The following ZFHX3 variants were observed in gnomAD, a reference collection of about 807,000 sequenced individuals.
The protein encoded by ZFHX3 is zinc finger homeobox 3, also known as zinc finger homeobox protein 3.
Under a neutral mutation model 279.1 loss-of-function variants are expected in ZFHX3, and 42 were observed. That is an observed-to-expected ratio of 0.15 (90% CI 0.12 to 0.19). ZFHX3 has a LOEUF of 0.19. Among genes scored for constraint, ZFHX3 ranks in the 10% least tolerant of loss-of-function variants. The pLI, the probability that ZFHX3 is intolerant of heterozygous loss-of-function variation, is 1.00. For synonymous variants in ZFHX3, 2,293 were observed against 1,957.8 expected, an observed-to-expected ratio of 1.17 and a Z score of -4.52; for missense variants, 4,981 against 4,754.0, an observed-to-expected ratio of 1.05 and a Z score of -1.40.
At chr16:73,099,764 C>CAGGAGGAA (rs1032828224) in intron 7 of ZFHX3, among the ~76,000 whole-genome samples, 1 of 150,732 alleles carries the variant, frequency 6.6e-6, no homozygotes, top group African/African-American at 2.4e-5. Flanking sequence ...GTCCTGCTCT[C>CAGGAGGAA]AGGAGGAACA....
intron 1 of ZFHX3, among the ~76,000 whole-genome samples, chr16:73,748,600 T>C (rs1334928826): frequency 2.0e-5 from 3 of 152,196 alleles, no homozygotes; most frequent in African/African-American, 4.8e-5. Flanking sequence ...TCTCTACCTA[T>C]ACCTCTTTCA....
intron 1 of ZFHX3, among the ~76,000 whole-genome samples, chr16:73,786,338 T>G (rs1005494106): frequency 3.3e-5 from 5 of 152,190 alleles, no homozygotes; most frequent in African/African-American, 1.2e-4. Context: ...GTAATTGTCA[T>G]AAAGTTTCCC....
intron 1 of ZFHX3, among the ~76,000 whole-genome samples, chr16:73,831,086 A>G (rs745360566): frequency 1.3e-4 from 20 of 152,156 alleles, no homozygotes; most frequent in Non-Finnish European, 2.6e-4. Context: ...GCCAATAACC[A>G]TTTTCAAAAG....
chr16:73,000,062 G>A (rs1192607738), intron 1 of ZFHX3, among the ~76,000 whole-genome samples: 1 of 152,198 alleles, frequency 6.6e-6, no homozygotes, highest in Non-Finnish European at 1.5e-5. Flanking sequence ...GAGCCCCATG[G>A]GGACAGGGCT....
chr16:73,030,156 T>C (rs1000417021), intron 1 of ZFHX3, among the ~76,000 whole-genome samples: 8 of 152,226 alleles, frequency 5.3e-5, no homozygotes, highest in Non-Finnish European at 1.0e-4. Flanking sequence ...CAAGACCGGC[T>C]ACTCTCAACT....
chr16:73,105,251 A>G (rs1211561853), intron 7 of ZFHX3, among the ~76,000 whole-genome samples: 1 of 149,880 alleles, frequency 6.7e-6, no homozygotes, highest in African/African-American at 2.5e-5. Flanking sequence ...AATTTTATAT[A>G]TATATATATG....
chr16:73,812,737 T>C (rs947892780), intron 1 of ZFHX3: 8 of 152,166 alleles, frequency 5.3e-5, no homozygotes, highest in African/African-American at 1.9e-4. Flanking sequence ...AACAGCTCAA[T>C]AGATGTTTGA....
At chr16:73,426,616 C>A (rs889855826) in intron 3 of ZFHX3, among the ~76,000 whole-genome samples, 1 of 151,870 alleles carries the variant, frequency 6.6e-6, no homozygotes, top group Non-Finnish European at 1.5e-5. Flanking sequence ...GCCATTCATG[C>A]GTACGTGCAC....
At chr16:73,524,817 C>T (rs2019664865) in intron 2 of ZFHX3, among the ~76,000 whole-genome samples, 3 of 152,284 alleles carry the variant, frequency 2.0e-5, no homozygotes, top group African/African-American at 2.4e-5. Flanking sequence ...CAGAGGTCTT[C>T]GTTTTCCATA....
intron 3 of ZFHX3, among the ~76,000 whole-genome samples, chr16:72,918,921 C>T (rs1263437361): frequency 1.3e-5 from 2 of 152,094 alleles, no homozygotes; most frequent in Non-Finnish European, 2.9e-5. Context: ...TGGTCTCGAT[C>T]TCCTGACCTC....
chr16:72,879,812 C>T (rs1054166289), intron 4 of ZFHX3, among the ~76,000 whole-genome samples: 4 of 152,196 alleles, frequency 2.6e-5, no homozygotes, highest in Admixed American at 2.0e-4. Context: ...CAGCTTTTCT[C>T]GATGCTAAGA....
At chr16:73,599,732 T>TAAAAAAA (rs67036720) in intron 2 of ZFHX3, among the ~76,000 whole-genome samples, 1 of 144,218 alleles carries the variant, frequency 6.9e-6, no homozygotes, top group Non-Finnish European at 1.5e-5. Context: ...AAAATGTCAT[T>TAAAAAAA]AAAAAAAAAA....
rs2035277107 is a variant in ZFHX3, at chr16:72,784,646, GAAGA to G, written c.*2514_*2517del. The stretch of plus-strand genomic sequence containing the variant: ...TTAAAAATGTTCATCTCAAACACAG[GAAGA>G]AATACAAGATTTCTTGTTAAAAGGA... On this transcript the variant is annotated 3_prime_UTR_variant, in exon 10 of 10. Transcript: ENST00000268489. 1 of 151,980 alleles carries G rather than the reference GAAGA, an allele frequency of 6.6e-6. No homozygotes were observed. Among genetic ancestry groups the G allele is most frequent in the Non-Finnish European group, 1.5e-5 (1 of 67,878 alleles). The allele number at this position is 151,980 out of a possible 1,614,324, so 9.4% of individuals were successfully genotyped here.
At position 72,871,171 on chromosome 16, in the gene ZFHX3, T is replaced by TTTTA. The variant is rs559457462; in HGVS notation, c.3448+18556_3448+18559dup. Reference sequence around the variant, plus strand: ...CTATAAGTCTGAAATTATATCAACATTTTATTTATTTATTTATTTTTGAGA... The same window carrying TTTTA: ...CTATAAGTCTGAAATTATATCAACATTTTATTTATTTATTTATTTATTTTTGAGA... On this transcript the variant is annotated intron_variant, in intron 4 of 9. Coordinates refer to ENST00000268489, the MANE Select transcript of ZFHX3 (RefSeq NM_006885.4). Among the ~76,000 whole-genome samples the TTTTA allele has an allele frequency of 1.0e-3, 159 of 152,234 alleles. 1 individual carries two copies. Among genetic ancestry groups the TTTTA allele is most frequent in the African/African-American group, 3.7e-3 (155 of 41,528 alleles).
chr16:72,964,703 T>C (rs2359129), intron 1 of ZFHX3, among the ~76,000 whole-genome samples: 2,297 of 150,800 alleles, frequency 0.015, 27 homozygotes, highest in South Asian at 0.043. Context: ...TTGAAAACCA[T>C]CATACTGGAA....
At chr16:73,428,034 C>T (rs939208960) in intron 3 of ZFHX3, among the ~76,000 whole-genome samples, 4 of 152,182 alleles carry the variant, frequency 2.6e-5, no homozygotes, top group African/African-American at 9.6e-5. Flanking sequence ...CACACACATG[C>T]ATGCACACAC....
chr16:72,794,255 C>G lies in ZFHX3; in HGVS notation c.8427G>C (p.Gly2809=), dbSNP rs1281938126. ...LLSPSSIKVE[G]IEDFESPSMS... The stretch of plus-strand genomic sequence containing the variant: ...TGGAGGGGCTTTCAAAGTCTTCAAT[C>G]CCTTCCACCTTAATGGAGGAAGGGC... Residue 2809 remains glycine, a synonymous_variant, in exon 9 of 10, where the codon GGG becomes GGC. Coordinates refer to ENST00000268489, the MANE Select transcript of ZFHX3 (RefSeq NM_006885.4). This position sits in a 1 kb window ranked among gnomAD's most constrained non-coding sequence, Gnocchi z 4.2. The G allele has an allele frequency of 6.2e-7, 1 of 1,614,172 alleles. No homozygotes were observed. Among genetic ancestry groups the G allele is most frequent in the Non-Finnish European group, 8.5e-7 (1 of 1,180,014 alleles).
At chr16:73,223,582 G>A (rs1213175323) in intron 5 of ZFHX3, among the ~76,000 whole-genome samples, 2 of 152,118 alleles carry the variant, frequency 1.3e-5, no homozygotes, top group Non-Finnish European at 1.5e-5. Context: ...GGAGCAATAG[G>A]AACTCTCATT....
intron 5 of ZFHX3, among the ~76,000 whole-genome samples, chr16:73,179,267 C>G (rs1967736748): frequency 6.6e-6 from 1 of 152,154 alleles, no homozygotes; most frequent in Non-Finnish European, 1.5e-5. Context: ...GAATCTAGAT[C>G]CTGTCCTCTG....
Sources: gnomAD v4.1 joint callset for allele counts (sites outside exome capture counted in the v4.1 genomes callset) on GRCh38, gnomAD v4.1.1 for gene constraint, Gnocchi (gnomAD v3.1) non-coding constraint, MANE v1.5 for transcripts, NCBI Gene and HGNC (gene_info 2026-07-23, HGNC 2026-07-21) for gene names.